The following RYR3 variants were observed in gnomAD, a reference collection of about 807,000 sequenced individuals.
RYR3 encodes brain ryanodine receptor-calcium release channel.
RYR3 carries 207 observed loss-of-function variants against 584.3 expected under a neutral mutation model. The observed-to-expected ratio is 0.35, with a 90% CI of 0.32 to 0.40. The LOEUF is 0.40. RYR3 is among the 10% of genes least tolerant of loss of function. The pLI, the probability that RYR3 is intolerant of heterozygous loss-of-function variation, is 1.00. For synonymous variants in RYR3, 2,416 were observed against 2,248.5 expected, an observed-to-expected ratio of 1.07 and a Z score of -2.11; for missense variants, 5,616 against 6,089.2, an observed-to-expected ratio of 0.92 and a Z score of 2.59.
chr15:33,348,085 T>A (rs987244523), intron 1 of RYR3, among the ~76,000 whole-genome samples: 2 of 152,218 alleles, frequency 1.3e-5, no homozygotes, highest in African/African-American at 4.8e-5. Flanking sequence ...GAGTGCTGAT[T>A]GATATCTTCA....
At chr15:33,693,988 G>A (rs1288289802) in intron 38 of RYR3, among the ~76,000 whole-genome samples, 1 of 152,100 alleles carries the variant, frequency 6.6e-6, no homozygotes, top group Non-Finnish European at 1.5e-5. Context: ...GGTTGGTGGA[G>A]CTCAGCACAG....
intron 94 of RYR3, 101 bp downstream of exon 94, chr15:33,848,522 C>G (rs1359885656): frequency 1.5e-6 from 2 of 1,375,370 alleles, no homozygotes; most frequent in Non-Finnish European, 2.0e-6. Flanking sequence ...TATAAACTGT[C>G]TTTTGATTTC....
intron 24 of RYR3, among the ~76,000 whole-genome samples, chr15:33,634,296 C>A (rs569496041): frequency 6.6e-6 from 1 of 152,260 alleles, no homozygotes; most frequent in South Asian, 2.1e-4. Flanking sequence ...AGTGATCCAC[C>A]CACCTCGGCC....
Position 33,819,811 on chromosome 15 carries a change from C to T in RYR3, c.10758+4C>T. 6.3e-7 allele frequency: 1 copy of T among 1,586,504 alleles called. No homozygotes were observed. Among genetic ancestry groups the T allele is most frequent in the Non-Finnish European group, 8.6e-7 (1 of 1,163,760 alleles). On this transcript the variant is annotated splice_donor_region_variant and intron_variant, in intron 77 of 103. Coordinates refer to ENST00000634891, the MANE Select transcript of RYR3 (RefSeq NM_001036.6). Reference sequence around the variant, plus strand: ...CTATTCCAGCATGATGGCCAAGGTACACCCAGGTTTTCTGCCCATTGTCTC... The same window carrying T: ...CTATTCCAGCATGATGGCCAAGGTATACCCAGGTTTTCTGCCCATTGTCTC...
rs1036232344 is a variant in RYR3, at chr15:33,840,844, C to A, written c.12998C>A (p.Ala4333Glu). ...RKAQAAEMKA[A>E]NEAEGKVESE... Reference sequence around the variant, plus strand: ...GTCTAGGCAGCAGAAATGAAAGCAGCAAATGAAGCAGAAGGAAAAGTAGAA... The same window carrying A: ...GTCTAGGCAGCAGAAATGAAAGCAGAAAATGAAGCAGAAGGAAAAGTAGAA... Residue 4333 changes from alanine (A) to glutamate (E), a missense_variant, in exon 90 of 104, where the codon GCA (alanine) becomes GAA (glutamate). Transcript: ENST00000634891. 3.1e-6 allele frequency: 5 copies of A among 1,613,806 alleles called. No individual in the cohort carries two copies. In the East Asian group the frequency reaches 8.9e-5, roughly 29 times the overall value.
intron 1 of RYR3, among the ~76,000 whole-genome samples, chr15:33,332,030 G>A (rs972446256): frequency 4.0e-5 from 6 of 151,840 alleles, no homozygotes; most frequent in African/African-American, 1.2e-4. Context: ...AAGAAAGGAA[G>A]GAAGGAAATA....
At position 33,865,193 on chromosome 15, in the gene RYR3, C is replaced by G; in HGVS notation, c.14580C>G (p.Cys4860Trp). 3.1e-6 allele frequency: 5 copies of G among 1,613,778 alleles called. No individual in the cohort carries two copies. The highest frequency in any genetic ancestry group is 4.2e-6 in the Non-Finnish European group (5 of 1,179,850). Residue 4860 changes from cysteine to tryptophan, a missense_variant, in exon 104 of 104, where the codon TGC (cysteine) becomes TGG (tryptophan). By Grantham distance (215) the Cys-to-Trp change is radical. Around this residue, in one of 9 missense-constraint regions of RYR3, gnomAD observed 918 missense variants for 887.4 expected, o/e 1.03. Coordinates refer to ENST00000634891, the MANE Select transcript of RYR3 (RefSeq NM_001036.6). Reference sequence around the variant, plus strand: ...GGGATTTCTTCCCAGCCGGTGACTGCTTTCGTAAACAATATGAAGATCAGC... The same window carrying G: ...GGGATTTCTTCCCAGCCGGTGACTGGTTTCGTAAACAATATGAAGATCAGC... ...RCWDFFPAGD[C>W]FRKQYEDQLG
At chr15:33,671,725 G>C (rs1164218184) in intron 38 of RYR3, among the ~76,000 whole-genome samples, 1 of 152,024 alleles carries the variant, frequency 6.6e-6, no homozygotes, top group Non-Finnish European at 1.5e-5. Flanking sequence ...CTGAAAATAG[G>C]CTGAGTTACC....
At position 33,738,430 on chromosome 15, in the gene RYR3, TC is replaced by T; in HGVS notation, c.7516-18del. 6.2e-7 allele frequency: 1 copy of T among 1,606,494 alleles called. No individual in the cohort carries two copies. Among genetic ancestry groups the T allele is most frequent in the Non-Finnish European group, 8.5e-7 (1 of 1,176,074 alleles). On this transcript the variant is annotated intron_variant, in intron 49 of 103. Coordinates refer to ENST00000634891, the MANE Select transcript of RYR3 (RefSeq NM_001036.6). The stretch of plus-strand genomic sequence containing the variant: ...TTCTCTATGCCACCCCGCTGGTCTG[TC>T]CTGTTCTGCACCTCCCAGCTTCTGA...
chr15:33,647,283 C>G (rs1052748087), intron 29 of RYR3, 141 bp from the exon 30 acceptor site: 3 of 651,008 alleles, frequency 4.6e-6, no homozygotes, highest in Middle Eastern at 5.0e-4. Context: ...AGTCCCAAGA[C>G]TGGTTGCAAT....
At chr15:33,810,783 A>AT in intron 71 of RYR3, 134 bp downstream of exon 71, 1 of 1,159,560 alleles carries the variant, frequency 8.6e-7, no homozygotes, top group Non-Finnish European at 1.2e-6. Flanking sequence ...GTATGGAGGC[A>AT]ACACGCCCTC....
chr15:33,315,615 T>C (rs549227513), intron 1 of RYR3, among the ~76,000 whole-genome samples: 20 of 152,186 alleles, frequency 1.3e-4, no homozygotes, highest in Non-Finnish European at 2.6e-4. Flanking sequence ...TTCCTTCGCT[T>C]CTCAGAGCTG....
intron 16 of RYR3, among the ~76,000 whole-genome samples, chr15:33,588,467 T>TA (rs2058966077): frequency 6.6e-6 from 1 of 152,250 alleles, no homozygotes; most frequent in Non-Finnish European, 1.5e-5. Context: ...TTGCTTTTTT[T>TA]ATTTATAAAA....
At chr15:33,452,412 G>A (rs1157242141) in intron 1 of RYR3, among the ~76,000 whole-genome samples, 2 of 152,108 alleles carry the variant, frequency 1.3e-5, no homozygotes, top group African/African-American at 4.8e-5. Context: ...AAAAAAATCA[G>A]TCCCATTTCT....
chr15:33,781,826 T>C (rs2074396969), intron 65 of RYR3, among the ~76,000 whole-genome samples: 1 of 140,288 alleles, frequency 7.1e-6, no homozygotes, highest in South Asian at 2.7e-4. Flanking sequence ...CATCTCACCC[T>C]TTCTTCCCTT....
At position 33,651,122 on chromosome 15, in the gene RYR3, G is replaced by A. The variant is rs563294297; in HGVS notation, c.4143-1596G>A. Reference sequence around the variant, plus strand: ...ACTGTGAACATTAACTGACATTTTAGCACCTAGGATAAGACATACTATATG... The same window carrying A: ...ACTGTGAACATTAACTGACATTTTAACACCTAGGATAAGACATACTATATG... On this transcript the variant is annotated intron_variant, in intron 31 of 103. Coordinates refer to ENST00000634891, the MANE Select transcript of RYR3 (RefSeq NM_001036.6). 2.0e-5 allele frequency among the ~76,000 whole-genome samples: 3 copies of A among 152,226 alleles called. No homozygotes were observed. The East Asian group carries it at 5.8e-4, about 29-fold the overall frequency.
intron 1 of RYR3, among the ~76,000 whole-genome samples, chr15:33,399,284 A>G (rs1396237819): frequency 6.6e-6 from 1 of 152,172 alleles, no homozygotes; most frequent in Non-Finnish European, 1.5e-5. Context: ...TAAGTTCTGC[A>G]TTGTTACATT....
Position 33,351,336 on chromosome 15 carries a change from G to C in RYR3, c.51+40240G>C, listed in dbSNP as rs555641203. Among the ~76,000 whole-genome samples, 4 of 152,314 alleles carry C rather than the reference G, an allele frequency of 2.6e-5. No individual in the cohort carries two copies. The South Asian group carries it at 8.3e-4, about 32-fold the overall frequency. ...AGCCGATTTCTACCAGAGATACAAG[G>C]AGGAACTGGTACCATTCCTTCTGAA... is the stretch of plus-strand genomic sequence containing the variant. On this transcript the variant is annotated intron_variant, in intron 1 of 103. Transcript: ENST00000634891.
At chr15:33,502,960 G>T (rs765568963) in intron 2 of RYR3, among the ~76,000 whole-genome samples, 1 of 152,188 alleles carries the variant, frequency 6.6e-6, no homozygotes, top group Non-Finnish European at 1.5e-5. Context: ...ATTAGCTACT[G>T]TTAGTATGCA....
Sources: allele counts gnomAD v4.1 joint callset (sites outside exome capture counted in the v4.1 genomes callset), GRCh38; gene constraint gnomAD v4.1.1; regional missense constraint gnomAD v4.1.1; transcripts MANE v1.5; gene names NCBI Gene and HGNC (gene_info 2026-07-23, HGNC 2026-07-21).